The following LINGO2 variants were observed in gnomAD, a reference collection of about 807,000 sequenced individuals.
LINGO2 encodes the protein leucine-rich repeat and immunoglobulin-like domain-containing nogo receptor-interacting protein 2.
In LINGO2, 14 loss-of-function variants were observed where a neutral mutation model predicts 30.6. The ratio of observed to expected loss-of-function variants is 0.46; its 90% CI spans 0.30 to 0.72. The LOEUF (loss-of-function observed/expected upper bound fraction) is 0.72. LINGO2 is among the 30% of genes least tolerant of loss of function. LINGO2 has a pLI of 0.07. For missense variants in LINGO2, 729 were observed against 751.7 expected (o/e 0.97, Z 0.35); for synonymous variants, 317 against 288.5 (o/e 1.10, Z -1.00).
intron 3 of LINGO2, among the ~76,000 whole-genome samples, chr9:28,311,864 G>T (rs1453003113): frequency 6.6e-6 from 1 of 152,148 alleles, no homozygotes; most frequent in African/African-American, 2.4e-5. Context: ...AATCACAAGG[G>T]TATTGATAGG....
At chr9:28,168,181 G>T (rs1018235745) in intron 4 of LINGO2, among the ~76,000 whole-genome samples, 1 of 152,046 alleles carries the variant, frequency 6.6e-6, no homozygotes, top group East Asian at 1.9e-4. Flanking sequence ...TTTGTGCCCT[G>T]ACTCCTGCTG....
the LINGO2 span, among the ~76,000 whole-genome samples, chr9:28,709,287 T>C: frequency 7.9e-3 from 1,207 of 152,230 alleles, 3 homozygotes; most frequent in Non-Finnish European, 0.012. Flanking sequence ...ACATTCCTAA[T>C]TGCTAATTGG....
intron 4 of LINGO2, among the ~76,000 whole-genome samples, chr9:28,211,006 T>C: frequency 6.6e-6 from 1 of 151,510 alleles, no homozygotes; most frequent in East Asian, 1.9e-4. Context: ...CCCCAAGCAT[T>C]TGCCTGTACT....
chr9:27,981,311 A>G (rs1218811765), intron 5 of LINGO2, among the ~76,000 whole-genome samples: 1 of 151,594 alleles, frequency 6.6e-6, no homozygotes, highest in Non-Finnish European at 1.5e-5. Flanking sequence ...ATCTCCATTT[A>G]CAGATAAGAA....
At chr9:28,785,124 A>G in the LINGO2 span, among the ~76,000 whole-genome samples, 1 of 152,198 alleles carries the variant, frequency 6.6e-6, no homozygotes. Context: ...AGGACAATAT[A>G]AATTATACAG....
chr9:28,277,210 CA>C (rs1274454457), intron 4 of LINGO2, among the ~76,000 whole-genome samples: 2 of 152,048 alleles, frequency 1.3e-5, no homozygotes, highest in Non-Finnish European at 2.9e-5. Flanking sequence ...GGCAATATAT[CA>C]AATATTTTCA....
At chr9:28,031,222 A>C (rs1378697246) in intron 4 of LINGO2, among the ~76,000 whole-genome samples, 1 of 152,126 alleles carries the variant, frequency 6.6e-6, no homozygotes, top group Non-Finnish European at 1.5e-5. Flanking sequence ...ATATATTAAA[A>C]ATTTAAGTGG....
At chr9:28,771,506 T>TGTGAGA in the LINGO2 span, among the ~76,000 whole-genome samples, 284 of 95,034 alleles carry the variant, frequency 3.0e-3, 2 homozygotes, top group African/African-American at 9.0e-3. Context: ...TGTGTGTGTG[T>TGTGAGA]GAGAGAGAGA....
At chr9:28,108,981 A>G (rs893807170) in intron 4 of LINGO2, among the ~76,000 whole-genome samples, 4 of 152,198 alleles carry the variant, frequency 2.6e-5, no homozygotes, top group African/African-American at 7.2e-5. Context: ...ATGAACATCA[A>G]TGAGAAAATC....
At chr9:28,912,138 T>C in the LINGO2 span, among the ~76,000 whole-genome samples, 1 of 152,128 alleles carries the variant, frequency 6.6e-6, no homozygotes, top group African/African-American at 2.4e-5. Context: ...TTAGATGACT[T>C]CATGTATGCT....
intron 4 of LINGO2, among the ~76,000 whole-genome samples, chr9:28,278,802 T>C (rs887325293): frequency 2.6e-5 from 4 of 152,212 alleles, no homozygotes; most frequent in African/African-American, 9.6e-5. Flanking sequence ...TTTTGACTTT[T>C]AGGTTTTATT....
exon 6 of LINGO2, chr9:27,949,249 C>G: frequency 6.2e-7 from 1 of 1,614,072 alleles, no homozygotes. Flanking sequence ...CTGTCTTGAT[C>G]CTGGGCAAAG....
At chr9:28,957,849 T>G in the LINGO2 span, among the ~76,000 whole-genome samples, 1 of 152,194 alleles carries the variant, frequency 6.6e-6, no homozygotes, top group African/African-American at 2.4e-5. Flanking sequence ...ATAGAGACAA[T>G]AAGAATAATT....
the LINGO2 span, among the ~76,000 whole-genome samples, chr9:28,985,775 G>A: frequency 6.6e-6 from 1 of 151,936 alleles, no homozygotes; most frequent in Non-Finnish European, 1.5e-5. Flanking sequence ...ACCCCTTACA[G>A]AATGCATCGT....
intron 4 of LINGO2, among the ~76,000 whole-genome samples, chr9:28,111,154 C>G (rs1008970413): frequency 6.6e-6 from 1 of 152,082 alleles, no homozygotes; most frequent in African/African-American, 2.4e-5. Context: ...CCAAACATCA[C>G]ATGTTCTCAC....
chr9:28,762,053 G>T, the LINGO2 span, among the ~76,000 whole-genome samples: 1 of 151,708 alleles, frequency 6.6e-6, no homozygotes, highest in South Asian at 2.1e-4. Flanking sequence ...TTCTGAGTTG[G>T]AAGATTTTCT....
intron 4 of LINGO2, among the ~76,000 whole-genome samples, chr9:28,017,139 A>AT (rs1209368152): frequency 6.6e-6 from 1 of 152,196 alleles, no homozygotes; most frequent in African/African-American, 2.4e-5. Context: ...AAAAGCCAAC[A>AT]TCCCTTCATG....
chr9:29,013,856 G>A, the LINGO2 span, among the ~76,000 whole-genome samples: 1 of 152,038 alleles, frequency 6.6e-6, no homozygotes, highest in South Asian at 2.1e-4. Context: ...TTTGTAGTGT[G>A]TAATGTGTTA....
At chr9:28,838,271 C>T in the LINGO2 span, among the ~76,000 whole-genome samples, 2 of 151,970 alleles carry the variant, frequency 1.3e-5, no homozygotes, top group African/African-American at 4.8e-5. Context: ...AGAAATTGGC[C>T]AAAAATTTAA....
Sources: gnomAD v4.1 joint callset for allele counts (sites outside exome capture counted in the v4.1 genomes callset) on GRCh38, gnomAD v4.1.1 for gene constraint, MANE v1.5 for transcripts, NCBI Gene and HGNC (gene_info 2026-07-23, HGNC 2026-07-21) for gene names.